Variants in PCDHA2 observed in about 807,000 individuals in gnomAD.
The protein encoded by PCDHA2 is protocadherin alpha-2.
A neutral mutation model predicts 66.0 loss-of-function variants in PCDHA2; 58 were observed. The observed-to-expected ratio is 0.88, with a 90% CI of 0.71 to 1.09. The LOEUF (loss-of-function observed/expected upper bound fraction) is 1.09, where lower values mean the gene tolerates loss of function less well. Among genes scored for constraint, PCDHA2 ranks in the 50% least tolerant of loss-of-function variants. The probability of loss-of-function intolerance (pLI) is 0.00; values close to 1 mark genes in which losing one functional copy is unlikely to be tolerated. For missense variants in PCDHA2, 1,267 were observed against 1,242.3 expected (o/e 1.02, Z -0.30); for synonymous variants, 634 against 554.0 (o/e 1.14, Z -2.03).
At position 140,808,892 on chromosome 5, in the gene PCDHA2, C is replaced by A. The variant is rs13189658; in HGVS notation, c.2388+11540C>A. The A allele has an allele frequency of 2.5e-6, 4 of 1,613,376 alleles. 1 individual carries two copies. The highest frequency in any genetic ancestry group is 3.3e-5 in the Admixed American group (2 of 60,014). On this transcript the variant is annotated intron_variant, in intron 1 of 3. Transcript: ENST00000526136. ...CAACGCGCCAGCACTGCTAGCGCCT[C>A]GGGCGGGTGGCACTGGTGGCGCAGT...
At chr5:140,946,631 T>TATATATATAC (rs57893927) in intron 1 of PCDHA2, among the ~76,000 whole-genome samples, 18,480 of 131,524 alleles carry the variant, frequency 0.14, 1,838 homozygotes, top group East Asian at 0.38. Context: ...TATATATATA[T>TATATATATAC]ACAATGGAAT....
At chr5:140,808,038 A>G in intron 1 of PCDHA2, 1 of 1,614,054 alleles carries the variant, frequency 6.2e-7, no homozygotes, top group South Asian at 1.1e-5. Flanking sequence ...TTCTCAAATG[A>G]TATTTCGCCA....
rs550730996 is a variant in PCDHA2, at chr5:140,982,280, G to T, written c.2448-195G>T. The T allele has an allele frequency of 2.1e-5, 21 of 1,007,278 alleles. No homozygotes were observed. The Admixed American group carries it at 5.3e-4, about 25-fold the overall frequency. 62.4% of individuals were successfully genotyped at this position (1,007,278 alleles called of 1,614,324 possible). A position where few individuals can be genotyped will look rare whatever the true frequency, so the allele number is the denominator to read the frequency against. ...GTGTGTTCCTGGAATAGTATAGCAGGCAATAAGTAAGTCAGCAATGCTTCT... is the reference window on the plus strand; with the variant it reads ...GTGTGTTCCTGGAATAGTATAGCAGTCAATAAGTAAGTCAGCAATGCTTCT... On this transcript the variant is annotated intron_variant, in intron 2 of 3. Transcript: ENST00000526136.
At position 140,795,517 on chromosome 5, in the gene PCDHA2, A is replaced by T; in HGVS notation, c.553A>T (p.Asn185Tyr). 3 of 1,614,180 alleles carry T rather than the reference A, an allele frequency of 1.9e-6. No individual in the cohort carries two copies. Among genetic ancestry groups the T allele is most frequent in the Non-Finnish European group, 2.5e-6 (3 of 1,180,026 alleles). Residue 185 changes from asparagine (N) to tyrosine (Y), a missense_variant, in exon 1 of 4, where the codon AAT (asparagine) becomes TAT (tyrosine). Asn to Tyr is a moderately radical substitution (Grantham distance 143). Coordinates refer to ENST00000526136, the MANE Select transcript of PCDHA2 (RefSeq NM_018905.3). ...SEFFFLDIQA[N>Y]DELSESLSLV... ...GTTTTTCTTCCTAGATATACAGGCA[A>T]ATGATGAACTAAGCGAATCTTTGTC...
chr5:140,797,203 A>T lies in PCDHA2; in HGVS notation c.2239A>T (p.Ser747Cys). The T allele has an allele frequency of 6.2e-7, 1 of 1,614,060 alleles. No homozygotes were observed. The highest frequency in any genetic ancestry group is 8.5e-7 in the Non-Finnish European group (1 of 1,180,020). The change falls in exon 1 of 4, where the codon AGC (serine) becomes TGC (cysteine). Residue 747 changes from serine to cysteine, a missense_variant. By Grantham distance (112) the Ser-to-Cys change is moderately radical. Coordinates refer to ENST00000526136, the MANE Select transcript of PCDHA2 (RefSeq NM_018905.3). The part of the protein sequence containing the change: ...PTLVCSSAVG[S>C]WSYSQQRRQR... ...GCTGGTGTGCTCCAGCGCCGTGGGG[A>T]GCTGGTCTTACTCGCAGCAGAGGCG...
chr5:140,984,258 CA>C (rs1563514144), intron 3 of PCDHA2, among the ~76,000 whole-genome samples: 1 of 152,262 alleles, frequency 6.6e-6, no homozygotes, highest in East Asian at 1.9e-4. Context: ...TGGTAAGCCA[CA>C]AACTAACTTT....
intron 1 of PCDHA2, chr5:140,841,823 T>C (rs1554138571): frequency 1.9e-6 from 3 of 1,613,930 alleles, no homozygotes; most frequent in Non-Finnish European, 2.5e-6. Context: ...TAACTCCGTG[T>C]TAACCTACAG....
At chr5:140,958,692 T>C (rs2095438296) in intron 1 of PCDHA2, among the ~76,000 whole-genome samples, 2 of 152,190 alleles carry the variant, frequency 1.3e-5, no homozygotes, top group African/African-American at 4.8e-5. Flanking sequence ...TTGAATATCC[T>C]AGAGTGACAA....
intron 1 of PCDHA2, among the ~76,000 whole-genome samples, chr5:140,911,440 A>C (rs151200639): frequency 6.6e-5 from 10 of 152,168 alleles, no homozygotes; most frequent in African/African-American, 1.7e-4. Context: ...ATTTCCCGCA[A>C]TTTCAGCTCT....
chr5:140,843,901 A>G lies in PCDHA2; in HGVS notation c.2388+46549A>G. 3 of 653,454 alleles carry G rather than the reference A, an allele frequency of 4.6e-6. 1 individual carries two copies. The highest frequency in any genetic ancestry group is 7.7e-6 in the Non-Finnish European group (3 of 388,320). 40.5% of individuals were successfully genotyped at this position (653,454 alleles called of 1,614,324 possible). A position where few individuals can be genotyped will look rare whatever the true frequency, so the allele number is the denominator to read the frequency against. On this transcript the variant is annotated intron_variant, in intron 1 of 3. Transcript: ENST00000526136. ...CATAATACAGTATTAATCATTCTCC[A>G]CAAGTTGGGTCTATCTTGAAACTCA...
rs191251073 is a variant in PCDHA2, at chr5:140,928,748, G to C, written c.2389-50201G>C. ...ATTTCAGCCAATATAGGTGAGCTCCGTACTGCTCGCTTAGTTCTTCCCACT... is the reference window on the plus strand; with the variant it reads ...ATTTCAGCCAATATAGGTGAGCTCCCTACTGCTCGCTTAGTTCTTCCCACT... On this transcript the variant is annotated intron_variant, in intron 1 of 3. Coordinates refer to ENST00000526136, the MANE Select transcript of PCDHA2 (RefSeq NM_018905.3). The C allele has an allele frequency of 1.9e-6, 3 of 1,614,114 alleles. No individual in the cohort carries two copies. In the Admixed American group the frequency reaches 5.0e-5, roughly 27 times the overall value.
At chr5:140,972,925 G>T (rs1297920795) in intron 1 of PCDHA2, among the ~76,000 whole-genome samples, 1 of 152,120 alleles carries the variant, frequency 6.6e-6, no homozygotes, top group Non-Finnish European at 1.5e-5. Context: ...GCCTCCCAAA[G>T]TGCTGGGATT....
intron 3 of PCDHA2, among the ~76,000 whole-genome samples, chr5:141,000,389 CTCTCTCTATATA>C (rs1270729414): frequency 5.3e-4 from 33 of 62,572 alleles, no homozygotes; most frequent in African/African-American, 2.0e-3. Context: ...CTCTCTCTCT[CTCTCTCTATATA>C]TATATATATA....
At chr5:140,995,025 C>A (rs1304675289) in intron 3 of PCDHA2, among the ~76,000 whole-genome samples, 1 of 152,146 alleles carries the variant, frequency 6.6e-6, no homozygotes, top group Non-Finnish European at 1.5e-5. Context: ...AAAGAAGATT[C>A]TTTTAAGTTT....
intron 1 of PCDHA2, chr5:140,875,832 C>A: frequency 1.2e-6 from 2 of 1,614,086 alleles, no homozygotes; most frequent in South Asian, 1.1e-5. Flanking sequence ...TCCATGTGGA[C>A]GTGGAGGTGA....
At chr5:140,896,346 G>A (rs1466880160) in intron 1 of PCDHA2, among the ~76,000 whole-genome samples, 17 of 151,992 alleles carry the variant, frequency 1.1e-4, no homozygotes, top group African/African-American at 3.4e-4. Flanking sequence ...TTATATTCCC[G>A]CCAGCAGTGT....
At chr5:140,837,029 A>G (rs1774885010) in intron 1 of PCDHA2, 1 of 233,596 alleles carries the variant, frequency 4.3e-6, no homozygotes, top group Admixed American at 5.1e-5. Context: ...TCTATAGTGT[A>G]TTTACAAAAT....
chr5:140,956,540 G>A (rs1356910892), intron 1 of PCDHA2, among the ~76,000 whole-genome samples: 1 of 152,186 alleles, frequency 6.6e-6, no homozygotes, highest in Non-Finnish European at 1.5e-5. Context: ...TGTGCTGCTG[G>A]ATTTGGTTTG....
chr5:140,840,079 T>C lies in PCDHA2; in HGVS notation c.2388+42727T>C, dbSNP rs2150303127. Among the ~76,000 whole-genome samples the C allele has an allele frequency of 4.9e-4, 75 of 152,120 alleles. 1 individual carries two copies. The highest frequency in any genetic ancestry group is 8.7e-4 in the Non-Finnish European group (59 of 67,972). On this transcript the variant is annotated intron_variant, in intron 1 of 3. Coordinates refer to ENST00000526136, the MANE Select transcript of PCDHA2 (RefSeq NM_018905.3). The stretch of plus-strand genomic sequence containing the variant: ...TCTTGACAATTAGTCAATAGAAAGA[T>C]AAACTTGTTGAAGATTTTAGTGAAA...
Sources: gnomAD v4.1 joint callset for allele counts (sites outside exome capture counted in the v4.1 genomes callset) on GRCh38, gnomAD v4.1.1 for gene constraint, MANE v1.5 for transcripts, NCBI Gene and HGNC (gene_info 2026-07-23, HGNC 2026-07-21) for gene names.